Variants in TMEM178B observed in about 807,000 individuals in gnomAD.
The protein encoded by TMEM178B is transmembrane protein 178B.
In TMEM178B, 5 loss-of-function variants were observed where a neutral mutation model predicts 31.0. The ratio of observed to expected loss-of-function variants is 0.16; its 90% confidence interval spans 0.08 to 0.34. The LOEUF (loss-of-function observed/expected upper bound fraction) is 0.34, where lower values mean the gene tolerates loss of function less well. TMEM178B is among the 10% of genes least tolerant of loss of function. TMEM178B has a pLI of 1.00. For missense variants in TMEM178B, 275 were observed against 400.3 expected (o/e 0.69, Z 2.67); for synonymous variants, 164 against 164.0 (o/e 1.00, Z 0.00).
Position 141,109,641 on chromosome 7 carries a change from C to T in TMEM178B, c.382+34949C>T, listed in dbSNP as rs142031866. Among the ~76,000 whole-genome samples, 58 of 152,078 alleles carry T rather than the reference C, an allele frequency of 3.8e-4. No individual in the cohort carries two copies. In the East Asian group the frequency reaches 9.7e-3, roughly 25 times the overall value. ...CACCATTAACCCCCCTTGTCTAGGA[C>T]GGAGGCTGGCAGATTGTAGGAGCTT... On this transcript the variant is annotated intron_variant, in intron 1 of 3. Transcript: ENST00000565468.
intron 3 of TMEM178B, among the ~76,000 whole-genome samples, chr7:141,451,588 C>T (rs1231034771): frequency 1.3e-5 from 2 of 152,142 alleles, no homozygotes; most frequent in Non-Finnish European, 2.9e-5. Flanking sequence ...AGCTCATGAC[C>T]TGGTAAGGTA....
intron 2 of TMEM178B, among the ~76,000 whole-genome samples, chr7:141,284,544 G>A (rs868562732): frequency 1.3e-5 from 2 of 152,120 alleles, no homozygotes; most frequent in African/African-American, 2.4e-5. Context: ...TTAGGAAGAC[G>A]ACTTTTCTGT....
intron 2 of TMEM178B, among the ~76,000 whole-genome samples, chr7:141,261,449 AGGTGGAACTTTTG>A (rs1441117138): frequency 2.6e-5 from 4 of 152,108 alleles, no homozygotes; most frequent in African/African-American, 9.7e-5. Context: ...ATTGGGGTAT[AGGTGGAACTTTTG>A]GGTGGTTGGA....
chr7:141,466,351 A>C (rs1448224595), intron 3 of TMEM178B, among the ~76,000 whole-genome samples: 8 of 152,328 alleles, frequency 5.3e-5, no homozygotes, highest in Non-Finnish European at 8.8e-5. Flanking sequence ...GAAGAAGTTG[A>C]GTCATTTTCT....
rs115128582 is a variant in TMEM178B at position 141,477,350 on chromosome 7, G to A, written c.*6564G>A. 1,550 of 154,200 alleles carry A rather than the reference G, an allele frequency of 0.01. 24 individuals are homozygous for A. The highest frequency in any genetic ancestry group is 0.036 in the African/African-American group (1,480 of 41,606). The allele number at this position is 154,200 out of a possible 1,614,324, so 9.6% of individuals were successfully genotyped here. ...ATGATGTAGCCCTTAGTTTTCTGAG[G>A]ACTTCTGTGGACGGCCCTAAAATCC... On this transcript the variant is annotated 3_prime_UTR_variant, in exon 4 of 4. Coordinates refer to ENST00000565468, the MANE Select transcript of TMEM178B (RefSeq NM_001195278.2).
chr7:141,467,643 G>A (rs6955419), intron 3 of TMEM178B, among the ~76,000 whole-genome samples: 18,086 of 152,038 alleles, frequency 0.12, 3,283 homozygotes, highest in African/African-American at 0.39. Flanking sequence ...TGAAGTCACC[G>A]AAGTGCCTTG....
Position 141,447,729 on chromosome 7 carries a change from G to T in TMEM178B, c.634+9984G>T, listed in dbSNP as rs561712208. 7.9e-5 allele frequency among the ~76,000 whole-genome samples: 12 copies of T among 152,252 alleles called. No homozygotes were observed. In the East Asian group the frequency reaches 1.9e-3, roughly 25 times the overall value. On this transcript the variant is annotated intron_variant, in intron 3 of 3. Transcript: ENST00000565468. ...CCATATCTGGAGAAGCCCGAGCAGG[G>T]TTAGGGGCTGGCATGTGCCCCCTGA...
intron 2 of TMEM178B, among the ~76,000 whole-genome samples, chr7:141,220,472 C>T (rs546184327): frequency 2.6e-4 from 40 of 151,826 alleles, no homozygotes; most frequent in Middle Eastern, 3.4e-3. Flanking sequence ...TATACAAGGG[C>T]GCCCTCTACA....
chr7:141,240,077 G>A (rs1048187134), intron 2 of TMEM178B, among the ~76,000 whole-genome samples: 3 of 152,024 alleles, frequency 2.0e-5, no homozygotes, highest in Non-Finnish European at 4.4e-5. Flanking sequence ...TTTTGTACTA[G>A]GTCTTTGAAA....
chr7:141,326,796 G>A (rs1015126695), intron 2 of TMEM178B, among the ~76,000 whole-genome samples: 1 of 152,122 alleles, frequency 6.6e-6, no homozygotes, highest in African/African-American at 2.4e-5. Context: ...CTAGACTTGT[G>A]CTGTCCAATA....
chr7:141,191,856 A>C (rs565022500), intron 1 of TMEM178B, among the ~76,000 whole-genome samples: 1 of 152,028 alleles, frequency 6.6e-6, no homozygotes, highest in South Asian at 2.1e-4. Flanking sequence ...ATTTATCAGT[A>C]TTTTCTTTTT....
At chr7:141,103,767 T>C (rs1795096753) in intron 1 of TMEM178B, among the ~76,000 whole-genome samples, 1 of 152,238 alleles carries the variant, frequency 6.6e-6, no homozygotes, top group Non-Finnish European at 1.5e-5. Context: ...AATATGTTTT[T>C]TCTATTTATT....
chr7:141,082,526 A>G (rs1379130997), intron 1 of TMEM178B, among the ~76,000 whole-genome samples: 2 of 152,280 alleles, frequency 1.3e-5, no homozygotes, highest in East Asian at 3.8e-4. Context: ...GTGTATGCCC[A>G]TATGTAATAA....
intron 2 of TMEM178B, among the ~76,000 whole-genome samples, chr7:141,362,730 A>G (rs1360388483): frequency 6.6e-6 from 1 of 152,168 alleles, no homozygotes; most frequent in Admixed American, 6.5e-5. Flanking sequence ...GACATCCATG[A>G]CTAATTGGGA....
At chr7:141,414,843 G>T (rs979964952) in intron 2 of TMEM178B, 2 of 152,182 alleles carry the variant, frequency 1.3e-5, no homozygotes, top group African/African-American at 4.8e-5. Context: ...CAAAAGTTGG[G>T]TCAATTATAT....
At chr7:141,353,295 T>A (rs531882884) in intron 2 of TMEM178B, among the ~76,000 whole-genome samples, 1 of 152,118 alleles carries the variant, frequency 6.6e-6, no homozygotes. Flanking sequence ...CTCCTAAGGA[T>A]CTTTCCAGCC....
At chr7:141,183,849 A>G (rs1202014143) in intron 1 of TMEM178B, among the ~76,000 whole-genome samples, 3 of 152,196 alleles carry the variant, frequency 2.0e-5, no homozygotes. Flanking sequence ...GGGTTTATCC[A>G]CGTGCTGGTT....
chr7:141,160,164 T>C (rs1174102298), intron 1 of TMEM178B, among the ~76,000 whole-genome samples: 1 of 151,932 alleles, frequency 6.6e-6, no homozygotes, highest in East Asian at 1.9e-4. Flanking sequence ...ACCCGAGCAG[T>C]GTACGCTGTA....
At chr7:141,095,664 T>C (rs183282877) in intron 1 of TMEM178B, among the ~76,000 whole-genome samples, 32 of 152,298 alleles carry the variant, frequency 2.1e-4, no homozygotes, top group Admixed American at 1.9e-3. Flanking sequence ...ACAGTACTTT[T>C]ATTTTCACCA....
Sources: gnomAD v4.1 joint callset for allele counts (sites outside exome capture counted in the v4.1 genomes callset) on GRCh38, gnomAD v4.1.1 for gene constraint, MANE v1.5 for transcripts, NCBI Gene and HGNC (gene_info 2026-07-23, HGNC 2026-07-21) for gene names.